SLC25A13: variants seen among roughly 807,000 people sequenced by gnomAD.
SLC25A13 encodes the protein electrogenic aspartate/glutamate antiporter SLC25A13, mitochondrial.
Under a neutral mutation model 85.5 loss-of-function variants are expected in SLC25A13, and 70 were observed. That is an observed-to-expected ratio of 0.82 (90% CI 0.68 to 1.00). The LOEUF (loss-of-function observed/expected upper bound fraction) is 1.00, where lower values mean the gene tolerates loss of function less well. SLC25A13 is among the 50% of genes least tolerant of loss of function. The pLI, the probability that SLC25A13 is intolerant of heterozygous loss-of-function variation, is 0.00. For missense variants in SLC25A13, 765 were observed against 819.8 expected, an observed-to-expected ratio of 0.93 and a Z score of 0.82; for synonymous variants, 259 against 288.7, an observed-to-expected ratio of 0.90 and a Z score of 1.04.
At chr7:96,216,200 G>A (rs1337542524) in intron 4 of SLC25A13, among the ~76,000 whole-genome samples, 2 of 151,682 alleles carry the variant, frequency 1.3e-5, no homozygotes, top group Non-Finnish European at 2.9e-5. Flanking sequence ...AACACAATGA[G>A]ATACGATCTC....
intron 4 of SLC25A13, among the ~76,000 whole-genome samples, chr7:96,211,616 C>T (rs1007811759): frequency 1.3e-5 from 2 of 152,176 alleles, no homozygotes; most frequent in African/African-American, 4.8e-5. Context: ...CTGATTCTAC[C>T]ACTATGGCTG....
At chr7:96,250,739 C>CAAAAAA (rs57574466) in intron 3 of SLC25A13, among the ~76,000 whole-genome samples, 3 of 118,374 alleles carry the variant, frequency 2.5e-5, no homozygotes, top group Non-Finnish European at 3.4e-5. Context: ...AGACCTGTTA[C>CAAAAAA]AAAAAAAAAA....
chr7:96,214,615 T>C (rs533812114), intron 4 of SLC25A13, among the ~76,000 whole-genome samples: 1 of 152,066 alleles, frequency 6.6e-6, no homozygotes, highest in South Asian at 2.1e-4. Flanking sequence ...TAATCCCAGC[T>C]ACTCAGGAGG....
chr7:96,242,987 G>T (rs187858403), intron 3 of SLC25A13, among the ~76,000 whole-genome samples: 3 of 151,412 alleles, frequency 2.0e-5, no homozygotes, highest in Admixed American at 2.0e-4. Flanking sequence ...TTTTTGAGAC[G>T]GAGTCTCACT....
rs772402452 is a variant in SLC25A13, at chr7:96,214,659, G to A, written c.329-5682C>T. 9.9e-5 allele frequency among the ~76,000 whole-genome samples: 15 copies of A among 152,146 alleles called. No individual in the cohort carries two copies. The South Asian group carries it at 2.1e-3, about 21-fold the overall frequency. ...GGAGAATGGCGTGAACCCGGAAGGC[G>A]GAGCTTGCAGTGAGTGGAGTGCCAC... is the stretch of plus-strand genomic sequence containing the variant. On this transcript the variant is annotated intron_variant, in intron 4 of 17. Coordinates refer to ENST00000265631, the MANE Select transcript of SLC25A13 (RefSeq NM_014251.3).
intron 3 of SLC25A13, among the ~76,000 whole-genome samples, chr7:96,259,116 G>T (rs1036905348): frequency 7.9e-5 from 12 of 152,122 alleles, no homozygotes; most frequent in African/African-American, 2.9e-4. Context: ...AACCCTAGAA[G>T]AAAACCTAGG....
At chr7:96,259,295 A>C (rs969335522) in intron 3 of SLC25A13, among the ~76,000 whole-genome samples, 1 of 152,210 alleles carries the variant, frequency 6.6e-6, no homozygotes, top group Non-Finnish European at 1.5e-5. Context: ...ATGGGAGAAA[A>C]ATTTTGCAAT....
intron 3 of SLC25A13, among the ~76,000 whole-genome samples, chr7:96,246,373 CACA>C (rs958795714): frequency 1.3e-5 from 2 of 152,164 alleles, no homozygotes; most frequent in African/African-American, 4.8e-5. Flanking sequence ...TTAATTGGAA[CACA>C]ATGCCTTTCT....
chr7:96,305,354 C>A (rs1387183375), intron 1 of SLC25A13, among the ~76,000 whole-genome samples: 14 of 152,184 alleles, frequency 9.2e-5, no homozygotes, highest in Admixed American at 7.9e-4. Flanking sequence ...AAAATAAATT[C>A]TTTTTAATTT....
intron 12 of SLC25A13, 131 bp downstream of exon 12, chr7:96,171,341 T>C: frequency 1.3e-6 from 1 of 784,580 alleles, no homozygotes; most frequent in Non-Finnish European, 2.2e-6. Flanking sequence ...ATGTGTGTGG[T>C]GAGTTCCCCT....
chr7:96,173,170 T>C (rs909387313), intron 11 of SLC25A13, among the ~76,000 whole-genome samples: 6 of 152,246 alleles, frequency 3.9e-5, no homozygotes, highest in African/African-American at 1.4e-4. Context: ...GCTTCATGTT[T>C]TCATGGAAAA....
intron 1 of SLC25A13, among the ~76,000 whole-genome samples, chr7:96,315,512 T>C (rs1800097485): frequency 6.6e-6 from 1 of 152,178 alleles, no homozygotes; most frequent in Non-Finnish European, 1.5e-5. Context: ...CAAATGTTTC[T>C]GGGACTCCAT....
intron 14 of SLC25A13, among the ~76,000 whole-genome samples, chr7:96,145,312 A>G (rs1792737600): frequency 6.6e-6 from 1 of 152,182 alleles, no homozygotes; most frequent in Non-Finnish European, 1.5e-5. Flanking sequence ...GACCTGGAGA[A>G]GCAGAGTACC....
At chr7:96,311,364 C>G (rs1219239079) in intron 1 of SLC25A13, among the ~76,000 whole-genome samples, 1 of 152,126 alleles carries the variant, frequency 6.6e-6, no homozygotes, top group South Asian at 2.1e-4. Context: ...AGTATTCTAG[C>G]CAAAACCAAA....
At chr7:96,141,037 T>TA (rs1792539146) in intron 14 of SLC25A13, among the ~76,000 whole-genome samples, 2 of 148,752 alleles carry the variant, frequency 1.3e-5, no homozygotes, top group South Asian at 2.1e-4. Flanking sequence ...TTTTTTTTTT[T>TA]AGACACAGCA....
chr7:96,220,998 T>C (rs1383007150), intron 4 of SLC25A13, among the ~76,000 whole-genome samples: 1 of 152,170 alleles, frequency 6.6e-6, no homozygotes, highest in African/African-American at 2.4e-5. Flanking sequence ...CCCTCTCTAT[T>C]TTTAAAATGG....
At chr7:96,289,663 T>A (rs1210967921) in intron 2 of SLC25A13, among the ~76,000 whole-genome samples, 2 of 152,014 alleles carry the variant, frequency 1.3e-5, no homozygotes, top group African/African-American at 2.4e-5. Flanking sequence ...GTATCAGTGA[T>A]GGAAGATCAA....
chr7:96,166,349 G>A (rs1039281345), intron 13 of SLC25A13, among the ~76,000 whole-genome samples: 3 of 152,080 alleles, frequency 2.0e-5, no homozygotes, highest in African/African-American at 7.2e-5. Context: ...ACTTTCTCTT[G>A]TTATATAAAC....
intron 1 of SLC25A13, among the ~76,000 whole-genome samples, chr7:96,307,327 A>G (rs1185512276): frequency 6.6e-6 from 1 of 152,152 alleles, no homozygotes; most frequent in African/African-American, 2.4e-5. Context: ...TGATATTGTG[A>G]TTGTGCTTTG....
Sources: gnomAD v4.1 joint callset for allele counts (sites outside exome capture counted in the v4.1 genomes callset) on GRCh38, gnomAD v4.1.1 for gene constraint, MANE v1.5 for transcripts, NCBI Gene and HGNC (gene_info 2026-07-23, HGNC 2026-07-21) for gene names.